HPSE2: variants seen among roughly 807,000 people sequenced by gnomAD.
The protein encoded by HPSE2 is heparanase 2 (inactive).
Under a neutral mutation model 60.5 loss-of-function variants are expected in HPSE2, and 38 were observed. The observed-to-expected ratio is 0.63, with a 90% CI of 0.48 to 0.82. The LOEUF is 0.82. Among genes scored for constraint, HPSE2 ranks in the 40% least tolerant of loss-of-function variants. The pLI is 0.00. For synonymous variants in HPSE2, 295 were observed against 293.2 expected, an observed-to-expected ratio of 1.01 and a Z score of -0.06; for missense variants, 713 against 740.4, an observed-to-expected ratio of 0.96 and a Z score of 0.43.
At chr10:98,980,278 T>A (rs1956176926) in intron 3 of HPSE2, among the ~76,000 whole-genome samples, 1 of 152,210 alleles carries the variant, frequency 6.6e-6, no homozygotes, top group South Asian at 2.1e-4. Context: ...TCATAAAGAT[T>A]TAATAATGTT....
the HPSE2 span, among the ~76,000 whole-genome samples, chr10:99,289,199 T>A: frequency 2.6e-5 from 4 of 152,136 alleles, no homozygotes; most frequent in African/African-American, 9.7e-5. Context: ...GTGCAACAGA[T>A]TGCAAAATTT....
the HPSE2 span, among the ~76,000 whole-genome samples, chr10:99,254,616 C>T: frequency 6.6e-6 from 1 of 152,156 alleles, no homozygotes; most frequent in Non-Finnish European, 1.5e-5. Context: ...TTAATCTTGA[C>T]TGAAAATAGC....
chr10:99,147,956 T>C (rs10883282), intron 2 of HPSE2, among the ~76,000 whole-genome samples: 77,433 of 152,028 alleles, frequency 0.51, 21,521 homozygotes, highest in East Asian at 0.65. Context: ...AAATTAATGA[T>C]GTAAGATTTA....
chr10:99,117,603 C>T (rs1844762835), intron 3 of HPSE2, among the ~76,000 whole-genome samples: 1 of 151,892 alleles, frequency 6.6e-6, no homozygotes, highest in Admixed American at 6.6e-5. Flanking sequence ...TGCACATAAA[C>T]TAGAAAATAC....
chr10:98,704,849 G>A (rs879828888), intron 5 of HPSE2, among the ~76,000 whole-genome samples: 2 of 152,132 alleles, frequency 1.3e-5, no homozygotes, highest in African/African-American at 4.8e-5. Context: ...CATAGGCATG[G>A]GCAAAGGCTT....
intron 3 of HPSE2, among the ~76,000 whole-genome samples, chr10:99,035,419 G>C (rs1320529172): frequency 6.6e-6 from 1 of 152,186 alleles, no homozygotes; most frequent in African/African-American, 2.4e-5. Context: ...GCATGGAGCT[G>C]TCATCTCCTA....
chr10:99,041,382 C>G (rs1379783605), intron 3 of HPSE2, among the ~76,000 whole-genome samples: 4 of 152,236 alleles, frequency 2.6e-5, no homozygotes, highest in Non-Finnish European at 5.9e-5. Context: ...GGCTCCCTAC[C>G]TCTAGGGAAG....
chr10:99,167,875 C>T (rs1287128748), intron 2 of HPSE2, among the ~76,000 whole-genome samples: 1 of 151,588 alleles, frequency 6.6e-6, no homozygotes, highest in Non-Finnish European at 1.5e-5. Context: ...TCCATGAACA[C>T]ATTTTGTCTC....
At chr10:98,523,427 T>C (rs1942863753) in intron 9 of HPSE2, among the ~76,000 whole-genome samples, 2 of 152,236 alleles carry the variant, frequency 1.3e-5, no homozygotes, top group African/African-American at 4.8e-5. Context: ...AGAAACCCAG[T>C]ATGAAATAGA....
At chr10:99,259,710 A>C in the HPSE2 span, among the ~76,000 whole-genome samples, 1 of 152,190 alleles carries the variant, frequency 6.6e-6, no homozygotes, top group Non-Finnish European at 1.5e-5. Flanking sequence ...CAGGCCACAG[A>C]CTGGTATCAG....
At chr10:98,893,614 A>G (rs1222244425) in intron 3 of HPSE2, among the ~76,000 whole-genome samples, 1 of 152,160 alleles carries the variant, frequency 6.6e-6, no homozygotes, top group African/African-American at 2.4e-5. Context: ...CCTGCATTAA[A>G]AAAATTCTGA....
At chr10:98,801,530 C>T (rs2105430) in intron 3 of HPSE2, among the ~76,000 whole-genome samples, 152,134 of 152,296 alleles carry the variant, frequency 1, 75,986 homozygotes, top group Middle Eastern at 1. Context: ...CATGAAAAAA[C>T]CAGTAGTATT....
At chr10:98,771,574 G>T (rs1011908355) in intron 3 of HPSE2, among the ~76,000 whole-genome samples, 2 of 152,196 alleles carry the variant, frequency 1.3e-5, no homozygotes, top group African/African-American at 4.8e-5. Context: ...AAACAAATGA[G>T]ACTATGTAGC....
intron 3 of HPSE2, among the ~76,000 whole-genome samples, chr10:98,792,498 G>A (rs1290437555): frequency 6.6e-6 from 1 of 152,116 alleles, no homozygotes; most frequent in Non-Finnish European, 1.5e-5. Context: ...CCTCCATGGG[G>A]AACAGCCTTC....
At chr10:98,673,096 C>T (rs1443809755) in intron 6 of HPSE2, among the ~76,000 whole-genome samples, 1 of 152,108 alleles carries the variant, frequency 6.6e-6, no homozygotes, top group Admixed American at 6.6e-5. Flanking sequence ...ATGAGGTTGC[C>T]AGCATCTGTA....
At chr10:98,600,117 G>T (rs526864) in intron 9 of HPSE2, among the ~76,000 whole-genome samples, 16,045 of 152,014 alleles carry the variant, frequency 0.11, 1,431 homozygotes, top group African/African-American at 0.25. Flanking sequence ...TTTAGTGTAC[G>T]TTAGGTATGG....
At chr10:98,738,389 G>C (rs1025895552) in intron 4 of HPSE2, among the ~76,000 whole-genome samples, 27 of 152,122 alleles carry the variant, frequency 1.8e-4, no homozygotes, top group African/African-American at 6.5e-4. Flanking sequence ...GAAAACCTAG[G>C]CAATACCATT....
intron 6 of HPSE2, among the ~76,000 whole-genome samples, chr10:98,665,961 A>C (rs1278888197): frequency 6.6e-6 from 1 of 152,194 alleles, no homozygotes; most frequent in Non-Finnish European, 1.5e-5. Context: ...GAATGGTCTA[A>C]ATGCCCCACT....
intron 3 of HPSE2, among the ~76,000 whole-genome samples, chr10:98,974,546 G>A (rs1956039784): frequency 6.6e-6 from 1 of 152,130 alleles, no homozygotes; most frequent in Non-Finnish European, 1.5e-5. Flanking sequence ...GATTACAGGT[G>A]TGAGCCACTG....
Sources: allele counts gnomAD v4.1 joint callset (sites outside exome capture counted in the v4.1 genomes callset), GRCh38; gene constraint gnomAD v4.1.1; transcripts MANE v1.5; gene names NCBI Gene and HGNC (gene_info 2026-07-23, HGNC 2026-07-21).